The following WDR72 variants were observed in gnomAD, a reference collection of about 807,000 sequenced individuals.
WDR72 encodes the protein WD repeat domain 72, also known as WD repeat-containing protein 72.
WDR72 carries 120 observed loss-of-function variants against 124.2 expected under a neutral mutation model. The ratio of observed to expected loss-of-function variants is 0.97; its 90% CI spans 0.83 to 1.12. WDR72 has a LOEUF of 1.12. WDR72 is among the 50% of genes most tolerant of loss of function. The probability of loss-of-function intolerance (pLI) is 0.00; values close to 1 mark genes in which losing one functional copy is unlikely to be tolerated. For missense variants in WDR72, 1,387 were observed against 1,278.8 expected, an observed-to-expected ratio of 1.08 and a Z score of -1.29; for synonymous variants, 452 against 441.7, an observed-to-expected ratio of 1.02 and a Z score of -0.29.
intron 18 of WDR72, among the ~76,000 whole-genome samples, chr15:53,585,592 C>T (rs1243119961): frequency 6.6e-6 from 1 of 152,018 alleles, no homozygotes; most frequent in African/African-American, 2.4e-5. Flanking sequence ...TGTCTACCGT[C>T]TGTCTATTTC....
At chr15:53,526,851 C>T (rs911596260) in intron 18 of WDR72, among the ~76,000 whole-genome samples, 3 of 151,868 alleles carry the variant, frequency 2.0e-5, no homozygotes, top group African/African-American at 7.3e-5. Flanking sequence ...TGAAATAGTC[C>T]ACATTTGAAG....
At chr15:53,717,790 G>A (rs1025824489) in intron 3 of WDR72, among the ~76,000 whole-genome samples, 7 of 151,980 alleles carry the variant, frequency 4.6e-5, no homozygotes, top group Non-Finnish European at 5.9e-5. Flanking sequence ...TAATATTCTA[G>A]AAATACACAC....
At position 53,712,827 on chromosome 15, in the gene WDR72, C is replaced by T. The variant is rs1186474436; in HGVS notation, c.656G>A (p.Arg219Gln). The T allele has an allele frequency of 6.8e-6, 11 of 1,613,578 alleles. No individual in the cohort carries two copies. Among genetic ancestry groups the T allele is most frequent in the African/African-American group, 1.3e-5 (1 of 74,870 alleles). The change falls in exon 7 of 20, where the codon CGA becomes CAA. Residue 219 changes from arginine to glutamine, a missense_variant. Transcript: ENST00000360509. ...FLESLNCQTI[R>Q]FCTYTERLLL... is the part of the protein sequence containing the mutation. The stretch of plus-strand genomic sequence containing the variant: ...AAGTCTCTCAGTATATGTGCAAAAT[C>T]GAATTGTCTGGCAGTTCAAGGACTC...
chr15:53,630,980 A>C (rs2014404653), intron 14 of WDR72, among the ~76,000 whole-genome samples: 3 of 152,216 alleles, frequency 2.0e-5, no homozygotes, highest in Non-Finnish European at 4.4e-5. Context: ...CACAAAAAAA[A>C]CCTATTTGAA....
At chr15:53,539,378 T>C (rs1311285505) in intron 18 of WDR72, among the ~76,000 whole-genome samples, 3 of 152,044 alleles carry the variant, frequency 2.0e-5, no homozygotes, top group Admixed American at 6.5e-5. Flanking sequence ...TGACAATTCA[T>C]AGAACAACTA....
intron 1 of WDR72, among the ~76,000 whole-genome samples, chr15:53,753,203 C>A (rs923844715): frequency 6.6e-6 from 1 of 152,196 alleles, no homozygotes; most frequent in Admixed American, 6.5e-5. Flanking sequence ...CACAAGTTGA[C>A]ATTGGAAGTC....
chr15:53,724,935 T>A (rs901254737), intron 2 of WDR72, among the ~76,000 whole-genome samples: 6 of 152,102 alleles, frequency 3.9e-5, no homozygotes, highest in African/African-American at 9.7e-5. Flanking sequence ...TTCTAAATTA[T>A]CTATATTACC....
intron 14 of WDR72, among the ~76,000 whole-genome samples, chr15:53,645,058 A>T (rs541555670): frequency 6.6e-6 from 1 of 152,250 alleles, no homozygotes; most frequent in Non-Finnish European, 1.5e-5. Flanking sequence ...TTCTTTCAGC[A>T]ATGACTTTAC....
At chr15:53,634,418 C>T (rs1172079705) in intron 14 of WDR72, among the ~76,000 whole-genome samples, 1 of 152,124 alleles carries the variant, frequency 6.6e-6, no homozygotes, top group Non-Finnish European at 1.5e-5. Context: ...TTTTGGCTTC[C>T]CTGGATCACA....
At chr15:53,661,015 C>G (rs1391258133) in intron 14 of WDR72, among the ~76,000 whole-genome samples, 1 of 152,170 alleles carries the variant, frequency 6.6e-6, no homozygotes, top group East Asian at 1.9e-4. Context: ...CAGTGCATCA[C>G]CTCTAGTCCA....
intron 18 of WDR72, among the ~76,000 whole-genome samples, chr15:53,554,987 G>A (rs62005906): frequency 0.22 from 33,085 of 151,896 alleles, 3,708 homozygotes; most frequent in African/African-American, 0.26. Context: ...GAGGAGAGAT[G>A]CATACAATTG....
At chr15:53,639,379 C>T (rs1301298385) in intron 14 of WDR72, among the ~76,000 whole-genome samples, 1 of 151,496 alleles carries the variant, frequency 6.6e-6, no homozygotes, top group East Asian at 1.9e-4. Context: ...GCCTGTAATT[C>T]CAGCATTCTG....
At chr15:53,720,031 A>G (rs550495357) in intron 3 of WDR72, among the ~76,000 whole-genome samples, 4 of 152,266 alleles carry the variant, frequency 2.6e-5, no homozygotes, top group Admixed American at 2.0e-4. Context: ...TATACATATG[A>G]TAATATGTAA....
At position 53,615,849 on chromosome 15, in the gene WDR72, A is replaced by T; in HGVS notation, c.2357T>A (p.Val786Glu). 1 of 1,613,624 alleles carries T rather than the reference A, an allele frequency of 6.2e-7. No homozygotes were observed. ...KKMQPKPSRK[V>E]DASLTIDTAK... Reference sequence around the variant, plus strand: ...TGTGTCTATTGTGAGACTGGCATCTACTTTTCTTGATGGCTTAGGCTGCAT... The same window carrying T: ...TGTGTCTATTGTGAGACTGGCATCTTCTTTTCTTGATGGCTTAGGCTGCAT... The change falls in exon 15 of 20, where the codon GTA becomes GAA. Residue 786 changes from valine to glutamate, a missense_variant. Val to Glu is a moderately radical substitution (Grantham distance 121). Transcript: ENST00000360509.
At chr15:53,601,196 G>A (rs571347050) in intron 17 of WDR72, among the ~76,000 whole-genome samples, 2 of 152,148 alleles carry the variant, frequency 1.3e-5, no homozygotes, top group South Asian at 2.1e-4. Context: ...GAGATTGGGG[G>A]ACAATATTCA....
chr15:53,677,305 A>G (rs2140472407), intron 13 of WDR72, among the ~76,000 whole-genome samples: 1 of 152,316 alleles, frequency 6.6e-6, no homozygotes, highest in East Asian at 1.9e-4. Context: ...GACATTTCAT[A>G]CTTTTTTATA....
intron 14 of WDR72, among the ~76,000 whole-genome samples, chr15:53,648,099 G>A (rs778830216): frequency 2.0e-5 from 3 of 151,976 alleles, no homozygotes; most frequent in Non-Finnish European, 4.4e-5. Context: ...GAATAGACAC[G>A]TCATGATCCA....
intron 14 of WDR72, among the ~76,000 whole-genome samples, chr15:53,649,725 A>G: frequency 6.6e-6 from 1 of 152,188 alleles, no homozygotes; most frequent in African/African-American, 2.4e-5. Context: ...TCAAAACCAC[A>G]ATGAGATACC....
In WDR72 at chr15:53,665,719, A is replaced by G. The variant is rs771638690; in HGVS notation, c.1815T>C (p.Asn605=). 1 of 1,613,938 alleles carries G rather than the reference A, an allele frequency of 6.2e-7. No homozygotes were observed. Among genetic ancestry groups the G allele is most frequent in the East Asian group, 2.2e-5 (1 of 44,876 alleles). Residue 605 remains asparagine, a synonymous_variant, in exon 14 of 20, where the codon AAT becomes AAC. Transcript: ENST00000360509. ...TCACAAGCTGTGAATCATCACAACA[A>G]TTAAGAATAATTCGTGCTCTTTCTC... is the stretch of plus-strand genomic sequence containing the variant. The part of the protein sequence containing the change: ...ETGERARIIL[N]CCDDSQLVKS...
Sources: gnomAD v4.1 joint callset for allele counts (sites outside exome capture counted in the v4.1 genomes callset) on GRCh38, gnomAD v4.1.1 for gene constraint, MANE v1.5 for transcripts, NCBI Gene and HGNC (gene_info 2026-07-23, HGNC 2026-07-21) for gene names.